BMP2K: variants seen among roughly 807,000 people sequenced by gnomAD.
The protein encoded by BMP2K is BMP-2-inducible protein kinase.
In BMP2K, 74 loss-of-function variants were observed where a neutral mutation model predicts 116.0. The observed-to-expected ratio is 0.64, with a 90% CI of 0.53 to 0.77. BMP2K has a LOEUF of 0.77. Among genes scored for constraint, BMP2K ranks in the 30% least tolerant of loss-of-function variants. BMP2K has a pLI of 0.00. For missense variants in BMP2K, 1,365 were observed against 1,403.6 expected (o/e 0.97, Z 0.44); for synonymous variants, 486 against 502.5 (o/e 0.97, Z 0.44).
intron 2 of BMP2K, among the ~76,000 whole-genome samples, chr4:78,827,712 A>C (rs1051070380): frequency 6.6e-6 from 1 of 152,134 alleles, no homozygotes; most frequent in African/African-American, 2.4e-5. Context: ...CAGTAAAAAA[A>C]CCTCAAACAC....
chr4:78,845,138 A>G, intron 5 of BMP2K, 89 bp downstream of exon 5: 1 of 1,117,238 alleles, frequency 9.0e-7, no homozygotes, highest in Non-Finnish European at 1.3e-6. Flanking sequence ...AATTTTAGGT[A>G]TTTCATTTAT....
chr4:78,826,765 GCTTT>G (rs926591706), intron 2 of BMP2K, among the ~76,000 whole-genome samples: 3 of 151,948 alleles, frequency 2.0e-5, no homozygotes, highest in Non-Finnish European at 2.9e-5. Context: ...AAGCTACTCT[GCTTT>G]CTTTCTTTTT....
rs112619803 is a variant in BMP2K, at chr4:78,833,562, A to AT, written c.298-9dup. The AT allele has an allele frequency of 0.026, 29,213 of 1,128,262 alleles. 1 individual carries two copies. The highest frequency in any genetic ancestry group is 0.029 in the Non-Finnish European group (23,810 of 813,114). 69.9% of individuals were successfully genotyped at this position (1,128,262 alleles called of 1,614,324 possible). On this transcript the variant is annotated intron_variant, in intron 2 of 15. Transcript: ENST00000502613. Reference sequence around the variant, plus strand: ...TTTAAATGTACATTTTCCAGTTTTCATTTTTTTTTTTCTTTCCAGAAAGAG... The same window carrying AT: ...TTTAAATGTACATTTTCCAGTTTTCATTTTTTTTTTTTCTTTCCAGAAAGAG...
At chr4:78,903,315 C>T (rs552291160) in intron 15 of BMP2K, among the ~76,000 whole-genome samples, 1 of 152,116 alleles carries the variant, frequency 6.6e-6, no homozygotes, top group East Asian at 1.9e-4. Flanking sequence ...TCACTAGAGT[C>T]AGATTAGCAT....
rs1577993881 is a variant in BMP2K, at chr4:78,913,948, A to G, written c.*1915A>G. 6.6e-6 allele frequency: 1 copy of G among 151,934 alleles called. No individual in the cohort carries two copies. Among genetic ancestry groups the G allele is most frequent in the African/African-American group, 2.4e-5 (1 of 41,370 alleles). The allele number at this position is 151,934 out of a possible 1,614,324, so 9.4% of individuals were successfully genotyped here. A position where few individuals can be genotyped will look rare whatever the true frequency, so the allele number is the denominator to read the frequency against. ...AGGTTGATTAATACTGCTAATGCAA[A>G]TGCTCAAGTAGATGTTTAAAAACTT... is the stretch of plus-strand genomic sequence containing the variant. On this transcript the variant is annotated 3_prime_UTR_variant, in exon 16 of 16. Coordinates refer to ENST00000502613, the MANE Select transcript of BMP2K (RefSeq NM_198892.2).
At position 78,880,491 on chromosome 4, in the gene BMP2K, G is replaced by A. The variant is rs577541417; in HGVS notation, c.1951+1600G>A. On this transcript the variant is annotated intron_variant, in intron 14 of 15. Transcript: ENST00000502613. The stretch of plus-strand genomic sequence containing the variant: ...GTACTGACCAGGGTTTACTAAATTA[G>A]TATTTTCAACTGCTTAGGTAAAAAA... Among the ~76,000 whole-genome samples, 393 of 152,246 alleles carry A rather than the reference G, an allele frequency of 2.6e-3. 1 individual carries two copies. The highest frequency in any genetic ancestry group is 4.4e-3 in the Non-Finnish European group (302 of 67,992).
intron 1 of BMP2K, among the ~76,000 whole-genome samples, chr4:78,807,606 T>C (rs187316254): frequency 1.3e-5 from 2 of 152,164 alleles, no homozygotes; most frequent in African/African-American, 4.8e-5. Flanking sequence ...CTTTACTTGT[T>C]ATAGGTCTGT....
chr4:78,914,778 T>C lies in BMP2K; in HGVS notation c.*2745T>C, dbSNP rs543368988. The C allele has an allele frequency of 4.7e-4, 71 of 151,638 alleles. No individual in the cohort carries two copies. The highest frequency in any genetic ancestry group is 8.6e-4 in the Non-Finnish European group (58 of 67,780). 9.4% of individuals were successfully genotyped at this position (151,638 alleles called of 1,614,324 possible). A position where few individuals can be genotyped will look rare whatever the true frequency, so the allele number is the denominator to read the frequency against. On this transcript the variant is annotated 3_prime_UTR_variant, in exon 16 of 16. Transcript: ENST00000502613. ...TCCCTAATATTATTTGGGTGTCCCC[T>C]GTGCTTCTTTAGGATGTAGTTATAA...
In BMP2K at chr4:78,913,211, T is replaced by C. The variant is rs1474688687; in HGVS notation, c.*1178T>C. ...AAGCCTTATATAAAGGCAGGATTCA[T>C]GCATCCTGCTGCAAGTACCTCTGCA... On this transcript the variant is annotated 3_prime_UTR_variant, in exon 16 of 16. Coordinates refer to ENST00000502613, the MANE Select transcript of BMP2K (RefSeq NM_198892.2). 1 of 152,154 alleles carries C rather than the reference T, an allele frequency of 6.6e-6. No individual in the cohort carries two copies. The highest frequency in any genetic ancestry group is 2.4e-5 in the African/African-American group (1 of 41,450). 9.4% of individuals were successfully genotyped at this position (152,154 alleles called of 1,614,324 possible).
chr4:78,872,503 G>A (rs1232590549), intron 12 of BMP2K, 111 bp from the exon 13 acceptor site: 25 of 924,342 alleles, frequency 2.7e-5, no homozygotes, highest in Non-Finnish European at 3.4e-5. Context: ...TGTTTTTTAC[G>A]TTTCTGATTT....
At chr4:78,799,000 A>AT (rs1260481695) in intron 1 of BMP2K, among the ~76,000 whole-genome samples, 1 of 152,214 alleles carries the variant, frequency 6.6e-6, no homozygotes, top group Non-Finnish European at 1.5e-5. Context: ...TTATTTTGAG[A>AT]TTTTATTAGA....
chr4:78,780,951 A>G (rs1259336943), intron 1 of BMP2K, among the ~76,000 whole-genome samples: 1 of 152,220 alleles, frequency 6.6e-6, no homozygotes, highest in Non-Finnish European at 1.5e-5. Flanking sequence ...TGAAGGATGA[A>G]GAAAGTTAGG....
At chr4:78,848,570 T>C (rs969560121) in intron 6 of BMP2K, among the ~76,000 whole-genome samples, 6 of 151,520 alleles carry the variant, frequency 4.0e-5, no homozygotes, top group African/African-American at 1.4e-4. Context: ...TCTGAAGCCA[T>C]TGAAGGTTTA....
intron 1 of BMP2K, among the ~76,000 whole-genome samples, chr4:78,780,057 T>G (rs994153682): frequency 1.3e-5 from 2 of 152,188 alleles, no homozygotes; most frequent in Admixed American, 1.3e-4. Flanking sequence ...CAATGTAACC[T>G]TCCAAGTTTT....
At chr4:78,793,409 CAAA>C (rs59725143) in intron 1 of BMP2K, among the ~76,000 whole-genome samples, 2 of 81,094 alleles carry the variant, frequency 2.5e-5, no homozygotes, top group Admixed American at 1.5e-4. Flanking sequence ...GACTCCGTCT[CAAA>C]AAAAAAAAAA....
chr4:78,871,011 A>AC lies in BMP2K; in HGVS notation c.1462dup (p.His488ProfsTer76). 2.6e-6 allele frequency: 4 copies of AC among 1,549,326 alleles called. No individual in the cohort carries two copies. The highest frequency in any genetic ancestry group is 3.5e-6 in the Non-Finnish European group (4 of 1,138,092). Reference sequence around the variant, plus strand: ...CAGCAGCAGCAGCAGCAGCAGCAGCACCACCACCACCACCACCACCACCTA... The same window carrying AC: ...CAGCAGCAGCAGCAGCAGCAGCAGCACCCACCACCACCACCACCACCACCTA... On this transcript the variant is annotated frameshift_variant, in exon 11 of 16. Transcript: ENST00000502613. LOFTEE classifies it high-confidence loss of function.
chr4:78,797,460 A>G (rs1167203591), intron 1 of BMP2K, among the ~76,000 whole-genome samples: 1 of 152,178 alleles, frequency 6.6e-6, no homozygotes, highest in Non-Finnish European at 1.5e-5. Flanking sequence ...CTTGACTTGA[A>G]TCCCAGAGAT....
chr4:78,784,344 T>C (rs908068171), intron 1 of BMP2K, among the ~76,000 whole-genome samples: 4 of 152,206 alleles, frequency 2.6e-5, no homozygotes, highest in Admixed American at 6.5e-5. Flanking sequence ...CTCCAAAAGA[T>C]TGGGACTGTT....
At position 78,865,690 on chromosome 4, in the gene BMP2K, C is replaced by G; in HGVS notation, c.1201C>G (p.Pro401Ala). The change falls in exon 10 of 16, where the codon CCT (proline) becomes GCT (alanine). Residue 401 changes from proline to alanine, a missense_variant. By Grantham distance (27) the Pro-to-Ala change is conservative (BLOSUM62 -1). This residue lies in a region of BMP2K where 762 missense variants were observed against 756.7 expected (regional missense o/e 1.01). Transcript: ENST00000502613. ...AGCAACACCTGTTAAAGTCCTTGCT[C>G]CTGGTGAATTCGGTAACCATAGACC... The part of the protein sequence containing the change: ...SSATPVKVLA[P>A]GEFGNHRPKG... The G allele has an allele frequency of 6.2e-7, 1 of 1,614,096 alleles. No homozygotes were observed. The highest frequency in any genetic ancestry group is 1.3e-5 in the African/African-American group (1 of 75,042).
Sources: allele counts gnomAD v4.1 joint callset (sites outside exome capture counted in the v4.1 genomes callset), GRCh38; gene constraint gnomAD v4.1.1; regional missense constraint gnomAD v4.1.1; transcripts MANE v1.5; gene names NCBI Gene and HGNC (gene_info 2026-07-23, HGNC 2026-07-21).